UTRN: variants seen among roughly 807,000 people sequenced by gnomAD.
UTRN encodes utrophin, also known as dystrophin-related protein 1.
UTRN carries 283 observed loss-of-function variants against 463.9 expected under a neutral mutation model. That is an observed-to-expected ratio of 0.61 (90% CI 0.55 to 0.67). UTRN has a LOEUF of 0.67. UTRN is among the 30% of genes least tolerant of loss of function. The pLI is 0.00. For missense variants in UTRN, 3,922 were observed against 4,084.3 expected, an observed-to-expected ratio of 0.96 and a Z score of 1.08; for synonymous variants, 1,442 against 1,431.5, an observed-to-expected ratio of 1.01 and a Z score of -0.17.
At chr6:144,745,008 C>G (rs1790553090) in intron 54 of UTRN, among the ~76,000 whole-genome samples, 1 of 152,152 alleles carries the variant, frequency 6.6e-6, no homozygotes. Flanking sequence ...CTATCCATGC[C>G]AGACCTTACG....
intron 2 of UTRN, among the ~76,000 whole-genome samples, chr6:144,365,308 T>C (rs554620317): frequency 3.3e-5 from 5 of 152,334 alleles, no homozygotes; most frequent in Admixed American, 3.3e-4. Flanking sequence ...CATGTGTGTG[T>C]TATGATGCAT....
chr6:144,836,437 C>T lies in UTRN; in HGVS notation c.9961C>T (p.Leu3321Phe). The T allele has an allele frequency of 6.2e-7, 1 of 1,614,038 alleles. No individual in the cohort carries two copies. The highest frequency in any genetic ancestry group is 8.5e-7 in the Non-Finnish European group (1 of 1,179,964). ...AGAACTTATAGCAGAAGCAAAACTC[C>T]TCAGGCAGCACAAAGGTCGGCTGGA... ...DSELIAEAKL[L>F]RQHKGRLEAR... Residue 3321 changes from leucine to phenylalanine, a missense_variant, in exon 71 of 75, where the codon CTC (leucine) becomes TTC (phenylalanine). Around this residue, in one of 3 missense-constraint regions of UTRN, gnomAD observed 1,309 missense variants for 1,452.6 expected, o/e 0.90. Coordinates refer to ENST00000367545, the MANE Select transcript of UTRN (RefSeq NM_007124.3).
intron 51 of UTRN, among the ~76,000 whole-genome samples, chr6:144,639,202 T>G (rs192673404): frequency 6.6e-6 from 1 of 152,308 alleles, no homozygotes; most frequent in East Asian, 1.9e-4. Flanking sequence ...TTACATAATT[T>G]TATCTTCCTG....
chr6:144,573,801 C>T (rs543167567), intron 50 of UTRN, among the ~76,000 whole-genome samples: 1 of 152,234 alleles, frequency 6.6e-6, no homozygotes, highest in South Asian at 2.1e-4. Flanking sequence ...ATAAAAAGTT[C>T]TGCTGAAATG....
At chr6:144,357,874 C>G (rs941359150) in intron 2 of UTRN, among the ~76,000 whole-genome samples, 1 of 152,234 alleles carries the variant, frequency 6.6e-6, no homozygotes, top group Non-Finnish European at 1.5e-5. Flanking sequence ...GGTTTTACAT[C>G]TGGTAGAACA....
chr6:144,557,419 T>C, intron 50 of UTRN, 108 bp downstream of exon 50: 1 of 1,120,604 alleles, frequency 8.9e-7, no homozygotes, highest in Non-Finnish European at 1.2e-6. Flanking sequence ...CAAGTACATT[T>C]TATTATTATG....
At chr6:144,497,775 G>A (rs1385771511) in intron 33 of UTRN, among the ~76,000 whole-genome samples, 1 of 152,152 alleles carries the variant, frequency 6.6e-6, no homozygotes, top group Non-Finnish European at 1.5e-5. Context: ...AATTGGAAAT[G>A]TCGGGTACTC....
At chr6:144,817,603 C>A (rs990131036) in intron 65 of UTRN, among the ~76,000 whole-genome samples, 2 of 151,808 alleles carry the variant, frequency 1.3e-5, no homozygotes, top group African/African-American at 4.8e-5. Flanking sequence ...TAATAAAAAT[C>A]AAATTGGACC....
intron 63 of UTRN, among the ~76,000 whole-genome samples, chr6:144,797,017 T>A (rs1777280401): frequency 6.6e-6 from 1 of 152,168 alleles, no homozygotes; most frequent in Non-Finnish European, 1.5e-5. Context: ...ATGTAATTTA[T>A]CCTGATAAAT....
At chr6:144,676,713 A>G (rs1416343642) in intron 51 of UTRN, among the ~76,000 whole-genome samples, 1 of 151,854 alleles carries the variant, frequency 6.6e-6, no homozygotes, top group African/African-American at 2.4e-5. Context: ...GTGTGATGAA[A>G]CCGTTGTTAC....
intron 44 of UTRN, among the ~76,000 whole-genome samples, chr6:144,538,371 TAA>T (rs1311176304): frequency 6.6e-6 from 1 of 151,150 alleles, no homozygotes. Context: ...CATTTTTTTT[TAA>T]AAAAAGAAAT....
At chr6:144,476,901 T>A (rs1312036733) in intron 25 of UTRN, among the ~76,000 whole-genome samples, 1 of 151,926 alleles carries the variant, frequency 6.6e-6, no homozygotes, top group Non-Finnish European at 1.5e-5. Flanking sequence ...AGCAGAGAAA[T>A]GGGTGGGTGC....
chr6:144,427,367 A>G (rs1385000277), intron 7 of UTRN, among the ~76,000 whole-genome samples: 1 of 152,178 alleles, frequency 6.6e-6, no homozygotes, highest in Non-Finnish European at 1.5e-5. Flanking sequence ...TTGCTGGTAT[A>G]TAAAAGTGCA....
At chr6:144,708,371 A>G (rs1324041884) in intron 53 of UTRN, 1 of 654,988 alleles carries the variant, frequency 1.5e-6, no homozygotes, top group Non-Finnish European at 2.9e-6. Context: ...AAAGAGTGCC[A>G]TTTTTTAGAT....
chr6:144,730,146 A>G (rs2128713875), intron 53 of UTRN, among the ~76,000 whole-genome samples: 1 of 152,320 alleles, frequency 6.6e-6, no homozygotes, highest in South Asian at 2.1e-4. Flanking sequence ...CTTTTTTTGT[A>G]TACTTAACGT....
Position 144,485,395 on chromosome 6 carries a change from C to T in UTRN, c.3698C>T (p.Ser1233Phe), listed in dbSNP as rs1792337548. 6.2e-7 allele frequency: 1 copy of T among 1,614,072 alleles called. No homozygotes were observed. The highest frequency in any genetic ancestry group is 8.5e-7 in the Non-Finnish European group (1 of 1,179,986). ...GKCHTLEEVWSCWIELLHYLD... is the reference protein window; with the variant it reads ...GKCHTLEEVWFCWIELLHYLD... ...TTTTTCATGCTTTAGGAGGTCTGGT[C>T]TTGTTGGATTGAACTGCTTCACTAT... is the stretch of plus-strand genomic sequence containing the variant. Residue 1233 changes from serine to phenylalanine, a missense_variant, in exon 28 of 75, where the codon TCT becomes TTT. Transcript: ENST00000367545.
At position 144,286,481 on chromosome 6, in the gene UTRN, G is replaced by T. The variant is rs1803669489; in HGVS notation, c.-93+660G>T. Among the ~76,000 whole-genome samples the T allele has an allele frequency of 6.6e-6, 1 of 152,196 alleles. No individual in the cohort carries two copies. Among genetic ancestry groups the T allele is most frequent in the Non-Finnish European group, 1.5e-5 (1 of 68,032 alleles). Reference sequence around the variant, plus strand: ...GGCCCTGGAGAGACTGAGGGGACAGGAGGAGGGGGGCGCCCCATTGGTGTG... The same window carrying T: ...GGCCCTGGAGAGACTGAGGGGACAGTAGGAGGGGGGCGCCCCATTGGTGTG... On this transcript the variant is annotated intron_variant, in intron 1 of 74. Transcript: ENST00000367545. The surrounding 1 kb of genome is among the most constrained non-coding windows in gnomAD (Gnocchi z 4.4).
chr6:144,821,637 A>G (rs1299159806), intron 66 of UTRN, among the ~76,000 whole-genome samples: 1 of 152,126 alleles, frequency 6.6e-6, no homozygotes, highest in Non-Finnish European at 1.5e-5. Context: ...AGATGGTGAA[A>G]TTACCATGTG....
At chr6:144,374,929 G>A (rs1261058143) in intron 2 of UTRN, among the ~76,000 whole-genome samples, 1 of 139,792 alleles carries the variant, frequency 7.2e-6, no homozygotes, top group East Asian at 2.1e-4. Flanking sequence ...CTGGGTGACA[G>A]AGTGAGACTC....
Sources: gnomAD v4.1 joint callset for allele counts (sites outside exome capture counted in the v4.1 genomes callset) on GRCh38, gnomAD v4.1.1 for gene constraint, gnomAD v4.1.1 regional missense constraint, Gnocchi (gnomAD v3.1) non-coding constraint, MANE v1.5 for transcripts, NCBI Gene and HGNC (gene_info 2026-07-23, HGNC 2026-07-21) for gene names.